GRHL2: variants seen among roughly 807,000 people sequenced by gnomAD.
GRHL2 encodes grainyhead like transcription factor 2, also known as grainyhead-like protein 2 homolog.
Under a neutral mutation model 83.8 loss-of-function variants are expected in GRHL2, and 21 were observed. The observed-to-expected ratio is 0.25, with a 90% CI of 0.18 to 0.36. The LOEUF is 0.36. Among genes scored for constraint, GRHL2 ranks in the 10% least tolerant of loss-of-function variants. The pLI, the probability that GRHL2 is intolerant of heterozygous loss-of-function variation, is 1.00. For synonymous variants in GRHL2, 280 were observed against 278.9 expected, an observed-to-expected ratio of 1.00 and a Z score of -0.04; for missense variants, 623 against 781.8, an observed-to-expected ratio of 0.80 and a Z score of 2.42.
intron 4 of GRHL2, among the ~76,000 whole-genome samples, chr8:101,566,723 A>G (rs1050509526): frequency 6.6e-6 from 1 of 151,712 alleles, no homozygotes; most frequent in African/African-American, 2.4e-5. Context: ...CTCTGGAAAC[A>G]TTGCACTCTG....
intron 2 of GRHL2, among the ~76,000 whole-genome samples, chr8:101,547,273 G>T (rs1259422289): frequency 1.3e-5 from 2 of 152,004 alleles, no homozygotes; most frequent in Admixed American, 6.6e-5. Flanking sequence ...ACTCTGGGAA[G>T]TTAAATTATT....
downstream of GRHL2, among the ~76,000 whole-genome samples, chr8:101,671,874 T>C (rs1292493214): frequency 6.6e-6 from 1 of 152,116 alleles, no homozygotes; most frequent in African/African-American, 2.4e-5. Context: ...GCACTTGCAG[T>C]TCACCAATAT....
At chr8:101,674,761 G>C in the GRHL2 span, among the ~76,000 whole-genome samples, 1 of 151,958 alleles carries the variant, frequency 6.6e-6, no homozygotes, top group African/African-American at 2.4e-5. Context: ...ACCAAAAAAG[G>C]GAATTTTAGA....
At chr8:101,605,222 G>C (rs1462739332) in intron 8 of GRHL2, among the ~76,000 whole-genome samples, 1 of 152,148 alleles carries the variant, frequency 6.6e-6, no homozygotes, top group Non-Finnish European at 1.5e-5. Flanking sequence ...GGTGGGGAAG[G>C]GAGCAAAGAG....
chr8:101,545,773 A>T (rs1811250317), intron 2 of GRHL2, among the ~76,000 whole-genome samples: 1 of 151,994 alleles, frequency 6.6e-6, no homozygotes, highest in South Asian at 2.1e-4. Flanking sequence ...AAAAATAGTC[A>T]AAACTTGACA....
chr8:101,644,879 G>T (rs950382669), intron 13 of GRHL2, among the ~76,000 whole-genome samples: 1 of 148,558 alleles, frequency 6.7e-6, no homozygotes, highest in Non-Finnish European at 1.5e-5. Context: ...ACAGGGTCTT[G>T]CTCTGTCACC....
chr8:101,532,251 G>C (rs1038094802), intron 1 of GRHL2, among the ~76,000 whole-genome samples: 3 of 152,134 alleles, frequency 2.0e-5, no homozygotes, highest in Non-Finnish European at 2.9e-5. Flanking sequence ...GTCTTATTCT[G>C]TTAATGGGAA....
intron 1 of GRHL2, among the ~76,000 whole-genome samples, chr8:101,495,438 CAA>C (rs771438149): frequency 3.3e-5 from 5 of 152,198 alleles, no homozygotes; most frequent in East Asian, 1.9e-4. Flanking sequence ...CCAATTAAAA[CAA>C]AGTATTTTTA....
intron 7 of GRHL2, among the ~76,000 whole-genome samples, chr8:101,586,529 C>G (rs1649977786): frequency 6.6e-6 from 1 of 152,194 alleles, no homozygotes; most frequent in Non-Finnish European, 1.5e-5. Context: ...CCACTGTTCC[C>G]TCTGCAGGCT....
At position 101,577,507 on chromosome 8, in the gene GRHL2, G is replaced by A. The variant is rs1811957361; in HGVS notation, c.991G>A (p.Val331Ile). 6.2e-7 allele frequency: 1 copy of A among 1,611,810 alleles called. No homozygotes were observed. ...TCGGCAGCATACGGCGAAGCAGAGG[G>A]TCCTTGACATTGGTAAGTTGACCTT... ...HSRQHTAKQR[V>I]LDIADYKESF... The change falls in exon 7 of 16, where the codon GTC becomes ATC. Residue 331 changes from valine to isoleucine, a missense_variant. Physicochemically the swap from Val to Ile is conservative, Grantham distance 29. Transcript: ENST00000646743.
rs1476040227 is a variant in GRHL2 at position 101,612,412 on chromosome 8, A to G, written c.1099-7127A>G. ...ATTTCCTTGAGGGCAGGGCCCTGCC[A>G]TAGATAGACTTCTGTATTTCCCATG... On this transcript the variant is annotated intron_variant, in intron 8 of 15. Coordinates refer to ENST00000646743, the MANE Select transcript of GRHL2 (RefSeq NM_024915.4). Among the ~76,000 whole-genome samples, 4 of 150,740 alleles carry G rather than the reference A, an allele frequency of 2.7e-5. 1 individual carries two copies. Among genetic ancestry groups the G allele is most frequent in the African/African-American group, 7.5e-5 (3 of 40,190 alleles).
rs557500343 is a variant in GRHL2, at chr8:101,508,701, G to A, written c.20+15912G>A. On this transcript the variant is annotated intron_variant, in intron 1 of 15. Transcript: ENST00000646743. ...AAGGTACCTAGTCAAGGGTGAGTTC[G>A]GGATGAGTTCAGGATGAATACATCC... Among the ~76,000 whole-genome samples the A allele has an allele frequency of 2.3e-4, 35 of 152,132 alleles. 1 individual carries two copies. In the South Asian group the frequency reaches 5.2e-3, roughly 23 times the overall value.
intron 14 of GRHL2, among the ~76,000 whole-genome samples, chr8:101,663,905 GT>G (rs771402553): frequency 0.018 from 2,540 of 144,888 alleles, 21 homozygotes; most frequent in Middle Eastern, 0.049. Context: ...TAGCATTTTA[GT>G]TTTTTTTTTT....
At chr8:101,633,336 C>G (rs1413542690) in intron 11 of GRHL2, among the ~76,000 whole-genome samples, 1 of 152,084 alleles carries the variant, frequency 6.6e-6, no homozygotes, top group Non-Finnish European at 1.5e-5. Flanking sequence ...ACCCAAAGTC[C>G]TTTGAGGAAA....
At position 101,546,824 on chromosome 8, in the gene GRHL2, T is replaced by A. The variant is rs1811275600; in HGVS notation, c.216+3388T>A. On this transcript the variant is annotated intron_variant, in intron 2 of 15. Transcript: ENST00000646743. ...GTACTAGTAAATATGGTACCCAGAT[T>A]ACTTGTCCTCTTATGCTAGCATTTA... is the stretch of plus-strand genomic sequence containing the variant. 2.0e-5 allele frequency among the ~76,000 whole-genome samples: 3 copies of A among 152,210 alleles called. No homozygotes were observed. In the South Asian group the frequency reaches 6.2e-4, roughly 31 times the overall value.
chr8:101,502,671 T>C (rs1810253523), intron 1 of GRHL2, among the ~76,000 whole-genome samples: 1 of 151,992 alleles, frequency 6.6e-6, no homozygotes, highest in Admixed American at 6.6e-5. Context: ...TAAGAATGAA[T>C]GGAACATTGA....
chr8:101,537,702 G>C (rs972811575), intron 1 of GRHL2, among the ~76,000 whole-genome samples: 12 of 152,158 alleles, frequency 7.9e-5, no homozygotes, highest in African/African-American at 2.9e-4. Flanking sequence ...AAGGAGATGA[G>C]CAACTCATCT....
intron 1 of GRHL2, among the ~76,000 whole-genome samples, chr8:101,494,969 T>C (rs545557119): frequency 7.9e-5 from 12 of 152,332 alleles, no homozygotes; most frequent in African/African-American, 2.6e-4. Flanking sequence ...AACTGGTTTG[T>C]TTCTCTCTCA....
At chr8:101,612,512 GATAGATAGATAC>G (rs1412890982) in intron 8 of GRHL2, among the ~76,000 whole-genome samples, 6 of 121,544 alleles carry the variant, frequency 4.9e-5, no homozygotes, top group Admixed American at 8.1e-5. Context: ...TAGATAGATA[GATAGATAGATAC>G]ATACATACAT....
Sources: allele counts gnomAD v4.1 joint callset (sites outside exome capture counted in the v4.1 genomes callset), GRCh38; gene constraint gnomAD v4.1.1; transcripts MANE v1.5; gene names NCBI Gene and HGNC (gene_info 2026-07-23, HGNC 2026-07-21).